PDE4B: variants seen among roughly 807,000 people sequenced by gnomAD.
PDE4B encodes the protein phosphodiesterase 4B, also known as 3',5'-cyclic-AMP phosphodiesterase 4B.
In PDE4B, 20 loss-of-function variants were observed where a neutral mutation model predicts 82.2. That is an observed-to-expected ratio of 0.24 (90% CI 0.17 to 0.35). The LOEUF (loss-of-function observed/expected upper bound fraction) is 0.35, where lower values mean the gene tolerates loss of function less well. Among genes scored for constraint, PDE4B ranks in the 10% least tolerant of loss-of-function variants. PDE4B has a pLI of 1.00. For synonymous variants in PDE4B, 320 were observed against 318.9 expected, an observed-to-expected ratio of 1.00 and a Z score of -0.04; for missense variants, 655 against 907.2, an observed-to-expected ratio of 0.72 and a Z score of 3.57.
At chr1:65,817,291 C>G (rs577210477) in intron 1 of PDE4B, among the ~76,000 whole-genome samples, 15 of 152,126 alleles carry the variant, frequency 9.9e-5, no homozygotes, top group Non-Finnish European at 2.1e-4. Context: ...CATTCAGAAC[C>G]TTGTTGACAG....
At chr1:66,279,962 G>T (rs890929107) in intron 7 of PDE4B, among the ~76,000 whole-genome samples, 2 of 152,020 alleles carry the variant, frequency 1.3e-5, no homozygotes, top group Non-Finnish European at 2.9e-5. Context: ...GATCAATATT[G>T]ATTAAATAAC....
intron 1 of PDE4B, among the ~76,000 whole-genome samples, chr1:65,823,410 A>G (rs1645978405): frequency 6.6e-6 from 1 of 151,628 alleles, no homozygotes; most frequent in African/African-American, 2.4e-5. Flanking sequence ...AAAAAAAAAA[A>G]AAAAAAAAAA....
chr1:66,056,435 A>G (rs1655293805), intron 3 of PDE4B, among the ~76,000 whole-genome samples: 1 of 152,144 alleles, frequency 6.6e-6, no homozygotes, highest in African/African-American at 2.4e-5. Context: ...TGAAGGCAGC[A>G]TCTAGACATG....
At chr1:66,340,144 A>G (rs1660865798) in intron 8 of PDE4B, among the ~76,000 whole-genome samples, 2 of 152,192 alleles carry the variant, frequency 1.3e-5, no homozygotes, top group African/African-American at 2.4e-5. Context: ...CTTTCCCTCT[A>G]GCATTTTTCA....
rs72918298 is a variant in PDE4B, at chr1:66,071,975, C to T, written c.281+153140C>T. Among the ~76,000 whole-genome samples the T allele has an allele frequency of 8.7e-3, 1,323 of 152,076 alleles. 17 individuals are homozygous for T. The highest frequency in any genetic ancestry group is 0.03 in the African/African-American group (1,238 of 41,486). On this transcript the variant is annotated intron_variant, in intron 3 of 16. Coordinates refer to ENST00000341517, the MANE Select transcript of PDE4B (RefSeq NM_002600.4). Reference sequence around the variant, plus strand: ...CTAGGTGACATGCTGAAGGCCATGTCGCCTGTTTGTCAGTTTAGTGTTCTC... The same window carrying T: ...CTAGGTGACATGCTGAAGGCCATGTTGCCTGTTTGTCAGTTTAGTGTTCTC...
At chr1:65,989,421 G>T (rs1365442245) in intron 3 of PDE4B, among the ~76,000 whole-genome samples, 1 of 152,080 alleles carries the variant, frequency 6.6e-6, no homozygotes, top group Non-Finnish European at 1.5e-5. Flanking sequence ...GAACCCGGAG[G>T]CAGAGGTTGC....
At chr1:65,987,185 A>G (rs893283371) in intron 3 of PDE4B, among the ~76,000 whole-genome samples, 1 of 152,182 alleles carries the variant, frequency 6.6e-6, no homozygotes, top group Non-Finnish European at 1.5e-5. Context: ...GAATGGGACC[A>G]TCTCTAAGAA....
intron 4 of PDE4B, among the ~76,000 whole-genome samples, chr1:66,252,542 C>T (rs1010629379): frequency 4.6e-5 from 7 of 152,078 alleles, no homozygotes; most frequent in South Asian, 2.1e-4. Context: ...ATAAAGTGTT[C>T]GATATCTCAT....
At chr1:66,247,928 T>C (rs1271739531) in intron 4 of PDE4B, among the ~76,000 whole-genome samples, 5 of 152,206 alleles carry the variant, frequency 3.3e-5, no homozygotes, top group African/African-American at 1.2e-4. Flanking sequence ...TTTGCTTCAT[T>C]TCCTGAACTG....
intron 1 of PDE4B, among the ~76,000 whole-genome samples, chr1:65,821,378 A>G (rs1645950757): frequency 6.6e-6 from 1 of 152,188 alleles, no homozygotes; most frequent in Non-Finnish European, 1.5e-5. Flanking sequence ...GATTTATTCA[A>G]TATTTCTTTG....
chr1:66,271,973 AC>A (rs1281063123), intron 7 of PDE4B, among the ~76,000 whole-genome samples: 1 of 152,124 alleles, frequency 6.6e-6, no homozygotes, highest in Non-Finnish European at 1.5e-5. Context: ...CTATGAATCA[AC>A]CTTTTTGCAG....
chr1:66,221,384 C>T (rs1650975033), intron 3 of PDE4B, among the ~76,000 whole-genome samples: 1 of 152,082 alleles, frequency 6.6e-6, no homozygotes, highest in African/African-American at 2.4e-5. Context: ...ATAGGAAAGA[C>T]AATTGCTCAA....
At chr1:66,256,167 C>A (rs562370155) in intron 4 of PDE4B, among the ~76,000 whole-genome samples, 1 of 152,236 alleles carries the variant, frequency 6.6e-6, no homozygotes, top group South Asian at 2.1e-4. Flanking sequence ...CAAAGCTAGA[C>A]CCTGTCTCAA....
At chr1:66,125,968 G>A (rs1359722082) in intron 3 of PDE4B, among the ~76,000 whole-genome samples, 1 of 152,124 alleles carries the variant, frequency 6.6e-6, no homozygotes, top group Non-Finnish European at 1.5e-5. Flanking sequence ...CACCACACTA[G>A]GTTAATTTTG....
At chr1:65,965,877 A>T (rs1310432083) in intron 3 of PDE4B, among the ~76,000 whole-genome samples, 3 of 152,152 alleles carry the variant, frequency 2.0e-5, no homozygotes, top group African/African-American at 7.2e-5. Context: ...TCAGTAAACT[A>T]CGTATTGATG....
intron 3 of PDE4B, among the ~76,000 whole-genome samples, chr1:66,207,143 A>G (rs1570470219): frequency 6.6e-6 from 1 of 152,208 alleles, no homozygotes; most frequent in East Asian, 1.9e-4. Flanking sequence ...AGGTAAATGG[A>G]GTTAAAAGAT....
At chr1:65,935,989 G>A (rs1030537264) in intron 3 of PDE4B, among the ~76,000 whole-genome samples, 2 of 151,902 alleles carry the variant, frequency 1.3e-5, no homozygotes, top group African/African-American at 4.8e-5. Context: ...ACGTTGTATA[G>A]CTGCATAAAG....
intron 3 of PDE4B, among the ~76,000 whole-genome samples, chr1:66,173,074 C>T (rs146600664): frequency 5.2e-4 from 79 of 152,286 alleles, no homozygotes; most frequent in African/African-American, 1.8e-3. Flanking sequence ...CACATGGATA[C>T]ACCTGTATCA....
At chr1:65,835,439 C>T (rs146342974) in intron 1 of PDE4B, among the ~76,000 whole-genome samples, 1,695 of 152,124 alleles carry the variant, frequency 0.011, 12 homozygotes, top group Non-Finnish European at 0.017. Flanking sequence ...AAATTTTAAC[C>T]CAGAAAAGTG....
Sources: allele counts gnomAD v4.1 joint callset (sites outside exome capture counted in the v4.1 genomes callset), GRCh38; gene constraint gnomAD v4.1.1; transcripts MANE v1.5; gene names NCBI Gene and HGNC (gene_info 2026-07-23, HGNC 2026-07-21).